Variants in BCL2L10 observed in about 807,000 individuals in gnomAD.
BCL2L10 encodes BCL2 like 10, also known as bcl-2-like protein 10.
BCL2L10 carries 14 observed loss-of-function variants against 11.1 expected under a neutral mutation model. That is an observed-to-expected ratio of 1.26 (90% CI 0.83 to 1.96). The LOEUF is 1.96. BCL2L10 is among the 30% of genes most tolerant of loss of function. The pLI is 0.00. For missense variants in BCL2L10, 309 were observed against 273.9 expected, an observed-to-expected ratio of 1.13 and a Z score of -0.90; for synonymous variants, 154 against 133.4, an observed-to-expected ratio of 1.15 and a Z score of -1.07.
At chr15:52,110,293 CA>C (rs2033035366) in intron 1 of BCL2L10, among the ~76,000 whole-genome samples, 1 of 152,188 alleles carries the variant, frequency 6.6e-6, no homozygotes, top group Non-Finnish European at 1.5e-5. Flanking sequence ...GGGAAACTGT[CA>C]AGTCACTAGA....
At chr15:52,110,634 T>A (rs2033040230) in intron 1 of BCL2L10, among the ~76,000 whole-genome samples, 1 of 152,152 alleles carries the variant, frequency 6.6e-6, no homozygotes, top group African/African-American at 2.4e-5. Flanking sequence ...GGTTTCACCA[T>A]GTTGGTCAGG....
rs899766933 is a variant in BCL2L10 at position 52,109,318 on chromosome 15, A to G, written c.*530T>C. The G allele has an allele frequency of 3.3e-5, 5 of 152,288 alleles. No individual in the cohort carries two copies. Among genetic ancestry groups the G allele is most frequent in the African/African-American group, 1.2e-4 (5 of 41,470 alleles). 9.4% of individuals were successfully genotyped at this position (152,288 alleles called of 1,614,324 possible). A position where few individuals can be genotyped will look rare whatever the true frequency, so the allele number is the denominator to read the frequency against. ...TTTGCAGTTAACAATTATTGAAGAA[A>G]TTAGTATGTTAACTATAAAAACCTA... On this transcript the variant is annotated 3_prime_UTR_variant, in exon 2 of 2. Coordinates refer to ENST00000260442, the MANE Select transcript of BCL2L10 (RefSeq NM_020396.4).
intron 1 of BCL2L10, 137 bp downstream of exon 1, chr15:52,112,101 C>G (rs1413981077): frequency 1.1e-5 from 15 of 1,379,946 alleles, no homozygotes; most frequent in Non-Finnish European, 1.4e-5. Flanking sequence ...GTTCCAGGCC[C>G]GCTGAAACGA....
chr15:52,111,122 A>G (rs75879128), intron 1 of BCL2L10, among the ~76,000 whole-genome samples: 12,362 of 151,496 alleles, frequency 0.082, 1,751 homozygotes, highest in African/African-American at 0.29. Context: ...AGATCACGAG[A>G]TCAAGAGATC....
At chr15:52,110,058 G>C (rs1156358317) in intron 1 of BCL2L10, 85 bp from the exon 2 acceptor site, 1 of 1,325,744 alleles carries the variant, frequency 7.5e-7, no homozygotes, top group African/African-American at 1.5e-5. Context: ...AGATTAAACA[G>C]CAAAGTAAAG....
Position 52,112,463 on chromosome 15 carries a change from G to T in BCL2L10, c.264C>A (p.Asp88Glu). Residue 88 changes from aspartate to glutamate, a missense_variant, in exon 1 of 2, where the codon GAC (aspartate) becomes GAA (glutamate). Asp to Glu is a conservative substitution (Grantham distance 45). Transcript: ENST00000260442. ...VALMADSVLS[D>E]SPGPTWGRVV... ...CTCTGCCCCAGGTGGGGCCGGGGCT[G>T]TCGGAGAGCACGGAATCCGCCATCA... is the stretch of plus-strand genomic sequence containing the variant. 2 of 1,605,348 alleles carry T rather than the reference G, an allele frequency of 1.2e-6. No individual in the cohort carries two copies. The highest frequency in any genetic ancestry group is 1.7e-6 in the Non-Finnish European group (2 of 1,179,292).
At position 52,112,564 on chromosome 15, in the gene BCL2L10, TGGCGGCCGCGGAGCGCAGCAC is replaced by T. The variant is rs1203525957; in HGVS notation, c.142_162del (p.Val48_Ala54del). 1.9e-6 allele frequency: 3 copies of T among 1,580,616 alleles called. No individual in the cohort carries two copies. Among genetic ancestry groups the T allele is most frequent in the Non-Finnish European group, 2.6e-6 (3 of 1,170,534 alleles). ...AAGGACCGGTGAATCTGCCGTAACC[TGGCGGCCGCGGAGCGCAGCAC>T]GGCGGCCTCGGGCGTGGATGGCGCC... On this transcript the variant is annotated inframe_deletion, in exon 1 of 2. Transcript: ENST00000260442.
Position 52,112,578 on chromosome 15 carries a change from C to G in BCL2L10, c.149G>C (p.Arg50Pro), listed in dbSNP as rs865955915. ...CTGCCGTAACCTGGCGGCCGCGGAG[C>G]GCAGCACGGCGGCCTCGGGCGTGGA... ...APSTPEAAVL[R>P]SAAARLRQIH... Residue 50 changes from arginine (R) to proline (P), a missense_variant, in exon 1 of 2, where the codon CGC (arginine) becomes CCC (proline). By Grantham distance (103) the Arg-to-Pro change is moderately radical (BLOSUM62 -2). Coordinates refer to ENST00000260442, the MANE Select transcript of BCL2L10 (RefSeq NM_020396.4). The G allele has an allele frequency of 1.3e-6, 2 of 1,578,766 alleles. No homozygotes were observed. The highest frequency in any genetic ancestry group is 2.7e-5 in the African/African-American group (2 of 73,824).
chr15:52,112,485 A>T lies in BCL2L10; in HGVS notation c.242T>A (p.Met81Lys). Reference protein sequence around the residue: ...PGNRFELVALMADSVLSDSPG... With the variant: ...PGNRFELVALKADSVLSDSPG... ...GCTGTCGGAGAGCACGGAATCCGCC[A>T]TCAGCGCCACCAGCTCGAAGCGGTT... The change falls in exon 1 of 2, where the codon ATG becomes AAG. Residue 81 changes from methionine to lysine, a missense_variant. By Grantham distance (95) the Met-to-Lys change is moderately conservative (BLOSUM62 -1). Transcript: ENST00000260442. 6.2e-7 allele frequency: 1 copy of T among 1,603,330 alleles called. No homozygotes were observed. Among genetic ancestry groups the T allele is most frequent in the South Asian group, 1.1e-5 (1 of 90,698 alleles).
Position 52,112,439 on chromosome 15 carries a change from T to C in BCL2L10, c.288A>G (p.Arg96=), listed in dbSNP as rs770818508. 6 of 1,606,892 alleles carry C rather than the reference T, an allele frequency of 3.7e-6. No individual in the cohort carries two copies. Among genetic ancestry groups the C allele is most frequent in the Non-Finnish European group, 5.1e-6 (6 of 1,179,474 alleles). ...LSDSPGPTWG[R]VVTLVTFAGT... ...CTGCGAAGGTCACGAGCGTCACCAC[T>C]CTGCCCCAGGTGGGGCCGGGGCTGT... The change falls in exon 1 of 2, where the codon AGA becomes AGG. Residue 96 remains arginine (R), a synonymous_variant. Transcript: ENST00000260442.
rs1301988143 is a variant in BCL2L10 at position 52,112,722 on chromosome 15, A to G, written c.5T>C (p.Val2Ala). 5.2e-6 allele frequency: 8 copies of G among 1,531,644 alleles called. No homozygotes were observed. Among genetic ancestry groups the G allele is most frequent in the Middle Eastern group, 3.8e-4 (2 of 5,198 alleles). The allele number at this position is 1,531,644 out of a possible 1,614,324, so 94.9% of individuals were successfully genotyped here. The change falls in exon 1 of 2, where the codon GTT (valine) becomes GCT (alanine). Residue 2 changes from valine to alanine, a missense_variant. Coordinates refer to ENST00000260442, the MANE Select transcript of BCL2L10 (RefSeq NM_020396.4). M[V>A]DQLRERTTMA... ...GGTGGTGCGCTCCCGCAACTGGTCA[A>G]CCATGGTCCGGCCTCTGCTGGGGGG...
chr15:52,110,001 T>C (rs201823962), intron 1 of BCL2L10, 28 bp from the exon 2 acceptor site: 2 of 1,581,370 alleles, frequency 1.3e-6, no homozygotes, highest in East Asian at 2.3e-5. Context: ...AAAAGTTAGA[T>C]TGCCTCATGA....
chr15:52,112,271 C>T lies in BCL2L10; in HGVS notation c.456G>A (p.Gln152=). ...VALLSSRLMG[Q]HRAWLQAQGG... Reference sequence around the variant, plus strand: ...CCTGAGCCTGCAGCCAGGCGCGGTGCTGCCCCATGAGCCGCGAGCTCAGCA... The same window carrying T: ...CCTGAGCCTGCAGCCAGGCGCGGTGTTGCCCCATGAGCCGCGAGCTCAGCA... The change falls in exon 1 of 2, where the codon CAG becomes CAA. Residue 152 remains glutamine, a synonymous_variant. Coordinates refer to ENST00000260442, the MANE Select transcript of BCL2L10 (RefSeq NM_020396.4). The T allele has an allele frequency of 6.5e-7, 1 of 1,541,156 alleles. No individual in the cohort carries two copies. The highest frequency in any genetic ancestry group is 8.7e-7 in the Non-Finnish European group (1 of 1,149,858).
Position 52,109,882 on chromosome 15 carries a change from G to T in BCL2L10, c.581C>A (p.Thr194Lys). The T allele has an allele frequency of 3.7e-6, 6 of 1,613,688 alleles. No individual in the cohort carries two copies. The highest frequency in any genetic ancestry group is 5.1e-6 in the Non-Finnish European group (6 of 1,179,680). The change falls in exon 2 of 2, where the codon ACA becomes AAA. Residue 194 changes from threonine (T) to lysine (K), a missense_variant. Coordinates refer to ENST00000260442, the MANE Select transcript of BCL2L10 (RefSeq NM_020396.4). ...TCGTGTCCAGAGATAAATGAAGGCT[G>T]TTGTTAACAAGCATGACAGAAAAGC... Reference protein sequence around the residue: ...VQAFLSCLLTTAFIYLWTRLL With the variant: ...VQAFLSCLLTKAFIYLWTRLL
intron 1 of BCL2L10, chr15:52,112,022 CGTCT>C: frequency 2.1e-6 from 2 of 956,340 alleles, no homozygotes. Context: ...GGTTCACGGC[CGTCT>C]AAGAAGGCCG....
chr15:52,109,930 A>T lies in BCL2L10; in HGVS notation c.533T>A (p.Phe178Tyr), dbSNP rs1200243189. The T allele has an allele frequency of 5.6e-6, 9 of 1,613,776 alleles. No homozygotes were observed. The highest frequency in any genetic ancestry group is 7.6e-6 in the Non-Finnish European group (9 of 1,179,826). ...HFFRTPFPLAFWRKQLVQAFL... is the reference protein window; with the variant it reads ...HFFRTPFPLAYWRKQLVQAFL... ...AGCCTGGACCAGCTGTTTTCTCCAAAAAGCCAGTGGAAAGGGGGTCCTGAA... is the reference window on the plus strand; with the variant it reads ...AGCCTGGACCAGCTGTTTTCTCCAATAAGCCAGTGGAAAGGGGGTCCTGAA... Residue 178 changes from phenylalanine (F) to tyrosine (Y), a missense_variant, in exon 2 of 2, where the codon TTT becomes TAT. Phe to Tyr is a conservative substitution (Grantham distance 22). Coordinates refer to ENST00000260442, the MANE Select transcript of BCL2L10 (RefSeq NM_020396.4).
At chr15:52,111,435 C>T (rs958175941) in intron 1 of BCL2L10, among the ~76,000 whole-genome samples, 13 of 152,068 alleles carry the variant, frequency 8.5e-5, no homozygotes, top group African/African-American at 3.1e-4. Flanking sequence ...AAAAAACTTG[C>T]TGGTTTTAAT....
Position 52,112,450 on chromosome 15 carries a change from TG to T in BCL2L10, c.276del (p.Thr93ProfsTer6). 1 of 1,606,374 alleles carries T rather than the reference TG, an allele frequency of 6.2e-7. No individual in the cohort carries two copies. The highest frequency in any genetic ancestry group is 8.5e-7 in the Non-Finnish European group (1 of 1,179,442). ...ACGAGCGTCACCACTCTGCCCCAGG[TG>T]GGGCCGGGGCTGTCGGAGAGCACGG... Reference protein sequence around the residue: ...ADSVLSDSPGPTWGRVVTLVT... With the variant: ...ADSVLSDSPGXTWGRVVTLVT... On this transcript the variant is annotated frameshift_variant, in exon 1 of 2. Transcript: ENST00000260442. LOFTEE classifies it high-confidence loss of function.
Position 52,112,709 on chromosome 15 carries a change from C to A in BCL2L10, c.18G>T (p.Arg6=), listed in dbSNP as rs774410677. The A allele has an allele frequency of 1.0e-5, 16 of 1,536,170 alleles. No individual in the cohort carries two copies. The South Asian group carries it at 1.8e-4, about 17-fold the overall frequency. MVDQL[R]ERTTMADPLR... ...GCGGGTCGGCCATGGTGGTGCGCTC[C>A]CGCAACTGGTCAACCATGGTCCGGC... Residue 6 remains arginine, a synonymous_variant, in exon 1 of 2, where the codon CGG becomes CGT. Transcript: ENST00000260442.
Sources: allele counts gnomAD v4.1 joint callset (sites outside exome capture counted in the v4.1 genomes callset), GRCh38; gene constraint gnomAD v4.1.1; transcripts MANE v1.5; gene names NCBI Gene and HGNC (gene_info 2026-07-23, HGNC 2026-07-21).